GRID2: variants seen among roughly 807,000 people sequenced by gnomAD.
The protein encoded by GRID2 is glutamate ionotropic receptor delta type subunit 2, also known as glutamate receptor ionotropic, delta-2.
In GRID2, 33 loss-of-function variants were observed where a neutral mutation model predicts 114.8. The observed-to-expected ratio is 0.29, with a 90% CI of 0.22 to 0.38. GRID2 has a LOEUF of 0.38. GRID2 is among the 10% of genes least tolerant of loss of function. The pLI is 1.00. For synonymous variants in GRID2, 505 were observed against 449.9 expected, an observed-to-expected ratio of 1.12 and a Z score of -1.55; for missense variants, 1,184 against 1,257.7, an observed-to-expected ratio of 0.94 and a Z score of 0.89.
chr4:93,611,293 T>G (rs865843473), intron 13 of GRID2, among the ~76,000 whole-genome samples: 58 of 98,760 alleles, frequency 5.9e-4, no homozygotes, highest in African/African-American at 9.6e-4. Context: ...TTTTTGAAGG[T>G]TTTTTTGTGT....
At chr4:92,796,353 C>A (rs557752433) in intron 2 of GRID2, among the ~76,000 whole-genome samples, 1 of 151,942 alleles carries the variant, frequency 6.6e-6, no homozygotes, top group Admixed American at 6.6e-5. Context: ...AAGGTACTTC[C>A]TGATTCAGGG....
intron 1 of GRID2, among the ~76,000 whole-genome samples, chr4:92,490,891 T>G (rs1723116279): frequency 6.6e-6 from 1 of 152,138 alleles, no homozygotes; most frequent in African/African-American, 2.4e-5. Flanking sequence ...TAACCGTAAG[T>G]GTTCACATTG....
intron 2 of GRID2, among the ~76,000 whole-genome samples, chr4:93,039,697 T>C (rs999809189): frequency 3.3e-5 from 5 of 152,074 alleles, no homozygotes; most frequent in African/African-American, 4.8e-5. Context: ...GATGAATCTT[T>C]TAAATTCTGA....
At chr4:92,792,611 G>A (rs1739648754) in intron 2 of GRID2, among the ~76,000 whole-genome samples, 1 of 151,606 alleles carries the variant, frequency 6.6e-6, no homozygotes, top group Non-Finnish European at 1.5e-5. Context: ...AGACCCATAT[G>A]GTTCTTGGAG....
intron 2 of GRID2, among the ~76,000 whole-genome samples, chr4:92,616,197 T>C (rs1160323207): frequency 6.6e-6 from 1 of 151,626 alleles, no homozygotes; most frequent in Non-Finnish European, 1.5e-5. Context: ...TATTTTAAAA[T>C]GTGGTAATAT....
At chr4:93,630,054 C>G (rs1743102056) in intron 14 of GRID2, among the ~76,000 whole-genome samples, 1 of 152,138 alleles carries the variant, frequency 6.6e-6, no homozygotes. Flanking sequence ...TGTGAGCGAA[C>G]ACACATTGGA....
At chr4:92,579,048 G>T (rs1728048371) in intron 1 of GRID2, among the ~76,000 whole-genome samples, 1 of 151,972 alleles carries the variant, frequency 6.6e-6, no homozygotes, top group Non-Finnish European at 1.5e-5. Context: ...GAAGTCTTAA[G>T]ATATATATCA....
chr4:93,591,249 A>G (rs1424249540), intron 13 of GRID2, among the ~76,000 whole-genome samples: 1 of 151,624 alleles, frequency 6.6e-6, no homozygotes, highest in African/African-American at 2.4e-5. Context: ...TAATTTATTG[A>G]GAGTTTTTAG....
At chr4:92,690,664 T>A (rs1474673578) in intron 2 of GRID2, among the ~76,000 whole-genome samples, 1 of 152,176 alleles carries the variant, frequency 6.6e-6, no homozygotes, top group Non-Finnish European at 1.5e-5. Flanking sequence ...TCAAACAAAT[T>A]ATACCTGTAT....
chr4:92,382,518 G>A (rs1402576878), intron 1 of GRID2, among the ~76,000 whole-genome samples: 3 of 151,900 alleles, frequency 2.0e-5, no homozygotes, highest in Admixed American at 1.3e-4. Flanking sequence ...GTAGGTGTAT[G>A]GTGTAAAATC....
At chr4:93,473,253 G>C (rs929780322) in intron 11 of GRID2, among the ~76,000 whole-genome samples, 1 of 151,804 alleles carries the variant, frequency 6.6e-6, no homozygotes, top group South Asian at 2.1e-4. Flanking sequence ...GCACATCCAT[G>C]GTCATTTTCT....
intron 3 of GRID2, among the ~76,000 whole-genome samples, chr4:93,102,336 C>T (rs997062559): frequency 1.3e-5 from 2 of 152,022 alleles, no homozygotes; most frequent in African/African-American, 4.8e-5. Context: ...AAATTAGAGA[C>T]CTAGATATGC....
intron 2 of GRID2, among the ~76,000 whole-genome samples, chr4:92,845,238 A>G (rs575618151): frequency 6.6e-6 from 1 of 152,148 alleles, no homozygotes; most frequent in South Asian, 2.1e-4. Context: ...AACTCTTTTT[A>G]TTCTCTTGGT....
chr4:92,524,407 CTT>C (rs869060153), intron 1 of GRID2, among the ~76,000 whole-genome samples: 2 of 106,552 alleles, frequency 1.9e-5, no homozygotes, highest in African/African-American at 3.9e-5. Context: ...ATTTCCTTGT[CTT>C]TTTTTTTTTT....
intron 4 of GRID2, among the ~76,000 whole-genome samples, chr4:93,140,783 A>G (rs1174199105): frequency 6.6e-6 from 1 of 152,238 alleles, no homozygotes; most frequent in Non-Finnish European, 1.5e-5. Context: ...TACATTTCAC[A>G]TAAATACAGC....
chr4:92,477,515 A>G (rs1722376830), intron 1 of GRID2, among the ~76,000 whole-genome samples: 1 of 151,826 alleles, frequency 6.6e-6, no homozygotes, highest in Non-Finnish European at 1.5e-5. Flanking sequence ...ATACTTGAAT[A>G]CCTTTAATAT....
intron 8 of GRID2, among the ~76,000 whole-genome samples, chr4:93,386,948 G>T (rs888681903): frequency 6.6e-6 from 1 of 152,170 alleles, no homozygotes; most frequent in African/African-American, 2.4e-5. Context: ...CTGGCCAGGG[G>T]TCCTAAGTCC....
chr4:92,678,657 A>T (rs1447273446), intron 2 of GRID2, among the ~76,000 whole-genome samples: 1 of 152,016 alleles, frequency 6.6e-6, no homozygotes, highest in Non-Finnish European at 1.5e-5. Flanking sequence ...TAAAAAAAAA[A>T]ACCTTAGATT....
chr4:93,369,910 G>T (rs1560548139), intron 8 of GRID2, among the ~76,000 whole-genome samples: 1 of 152,174 alleles, frequency 6.6e-6, no homozygotes, highest in African/African-American at 2.4e-5. Flanking sequence ...TTTAGGAAAA[G>T]ACAGTTTTGA....
Sources: allele counts gnomAD v4.1 joint callset (sites outside exome capture counted in the v4.1 genomes callset), GRCh38; gene constraint gnomAD v4.1.1; transcripts MANE v1.5; gene names NCBI Gene and HGNC (gene_info 2026-07-23, HGNC 2026-07-21).